SLC25A24: variants seen among roughly 807,000 people sequenced by gnomAD.
The protein encoded by SLC25A24 is mitochondrial adenyl nucleotide antiporter SLC25A24.
In SLC25A24, 49 loss-of-function variants were observed where a neutral mutation model predicts 60.7. The observed-to-expected ratio is 0.81, with a 90% confidence interval of 0.64 to 1.02. The LOEUF is 1.02. SLC25A24 is among the 50% of genes least tolerant of loss of function. The pLI, the probability that SLC25A24 is intolerant of heterozygous loss-of-function variation, is 0.00. For synonymous variants in SLC25A24, 202 were observed against 200.6 expected (o/e 1.01, Z -0.06); for missense variants, 564 against 586.3 (o/e 0.96, Z 0.39).
intron 3 of SLC25A24, among the ~76,000 whole-genome samples, chr1:108,172,054 T>C (rs896329063): frequency 5.9e-5 from 9 of 152,182 alleles, no homozygotes; most frequent in African/African-American, 2.2e-4. Context: ...TTCTGAACAA[T>C]TCTGGAGAAA....
At chr1:108,171,745 A>G (rs550778307) in intron 3 of SLC25A24, among the ~76,000 whole-genome samples, 1 of 152,370 alleles carries the variant, frequency 6.6e-6, no homozygotes, top group East Asian at 1.9e-4. Flanking sequence ...ATATTCATTG[A>G]GCATTTGCCA....
chr1:108,176,760 G>C (rs938952857), intron 3 of SLC25A24, among the ~76,000 whole-genome samples: 1 of 152,052 alleles, frequency 6.6e-6, no homozygotes, highest in Non-Finnish European at 1.5e-5. Flanking sequence ...ACCAACCAAG[G>C]GTAATGTACC....
chr1:108,160,485 G>A (rs1680037980), intron 4 of SLC25A24, among the ~76,000 whole-genome samples: 1 of 149,868 alleles, frequency 6.7e-6, no homozygotes, highest in South Asian at 2.1e-4. Context: ...CAGGCAGAGG[G>A]GCTCCTCATA....
intron 4 of SLC25A24, among the ~76,000 whole-genome samples, chr1:108,159,835 A>C (rs1403930136): frequency 6.6e-6 from 1 of 151,538 alleles, no homozygotes; most frequent in African/African-American, 2.4e-5. Flanking sequence ...CTTAGTACAG[A>C]ACAAAATGAA....
intron 7 of SLC25A24, among the ~76,000 whole-genome samples, chr1:108,144,011 G>A (rs1337692912): frequency 6.6e-6 from 1 of 152,154 alleles, no homozygotes; most frequent in Non-Finnish European, 1.5e-5. Context: ...GGAAGGTGAG[G>A]GAAATGGTAG....
chr1:108,142,775 T>C (rs1193065450), intron 8 of SLC25A24, among the ~76,000 whole-genome samples: 4 of 152,194 alleles, frequency 2.6e-5, no homozygotes, highest in Non-Finnish European at 5.9e-5. Flanking sequence ...TTTTATATTT[T>C]ATAATAATTT....
chr1:108,183,491 G>A (rs898986076), intron 2 of SLC25A24, among the ~76,000 whole-genome samples: 1 of 152,194 alleles, frequency 6.6e-6, no homozygotes, highest in Non-Finnish European at 1.5e-5. Context: ...TTAGGTTCCT[G>A]TGAGCCTCTG....
chr1:108,173,751 T>C (rs114770577), intron 3 of SLC25A24, among the ~76,000 whole-genome samples: 1 of 152,300 alleles, frequency 6.6e-6, no homozygotes, highest in Non-Finnish European at 1.5e-5. Flanking sequence ...CAGAGACTTG[T>C]TGAATTGCTT....
intron 7 of SLC25A24, among the ~76,000 whole-genome samples, chr1:108,146,703 T>C (rs1162661446): frequency 2.0e-5 from 3 of 152,232 alleles, no homozygotes; most frequent in Non-Finnish European, 2.9e-5. Flanking sequence ...GTTCTGTTTA[T>C]TGATGAATTC....
In SLC25A24 at chr1:108,161,286, C is replaced by T; in HGVS notation, c.406G>A (p.Val136Ile). Reference protein sequence around the residue: ...QAELILQSIDVDGTMTVDWNE... With the variant: ...QAELILQSIDIDGTMTVDWNE... ...CAGTCCACTGTCATTGTCCCATCAA[C>T]ATCAATGCTGAAATTTTAAAAAAAT... The change falls in exon 4 of 10, where the codon GTT becomes ATT. Residue 136 changes from valine to isoleucine, a missense_variant. Physicochemically the swap from Val to Ile is conservative, Grantham distance 29 (BLOSUM62 3). Transcript: ENST00000565488. 1 of 1,546,504 alleles carries T rather than the reference C, an allele frequency of 6.5e-7. No individual in the cohort carries two copies. Among genetic ancestry groups the T allele is most frequent in the South Asian group, 1.2e-5 (1 of 86,416 alleles).
chr1:108,164,654 TTTA>T (rs1345022203), intron 3 of SLC25A24, among the ~76,000 whole-genome samples: 1 of 150,308 alleles, frequency 6.7e-6, no homozygotes, highest in African/African-American at 2.4e-5. Flanking sequence ...TTTATCATTT[TTTA>T]TTGTGTCTAT....
intron 1 of SLC25A24, among the ~76,000 whole-genome samples, chr1:108,196,368 T>G (rs1648496814): frequency 6.6e-6 from 1 of 152,214 alleles, no homozygotes; most frequent in African/African-American, 2.4e-5. Context: ...TAACATGAAC[T>G]TTCATATTCT....
At chr1:108,149,728 G>A (rs1392374885) in intron 6 of SLC25A24, among the ~76,000 whole-genome samples, 1 of 152,110 alleles carries the variant, frequency 6.6e-6, no homozygotes, top group Non-Finnish European at 1.5e-5. Context: ...GAGAGAAGTG[G>A]ACTCATGCAT....
intron 1 of SLC25A24, among the ~76,000 whole-genome samples, chr1:108,189,680 G>A (rs2101645075): frequency 6.6e-6 from 1 of 151,962 alleles, no homozygotes; most frequent in African/African-American, 2.4e-5. Context: ...GCCAGGAGTG[G>A]TGGCACACGC....
intron 1 of SLC25A24, among the ~76,000 whole-genome samples, chr1:108,189,835 A>C (rs1435905416): frequency 6.8e-6 from 1 of 147,816 alleles, no homozygotes; most frequent in Non-Finnish European, 1.5e-5. Flanking sequence ...AAAAGAGCTA[A>C]AGCTAATTAA....
chr1:108,195,482 T>C (rs939375622), intron 1 of SLC25A24, among the ~76,000 whole-genome samples: 1 of 152,228 alleles, frequency 6.6e-6, no homozygotes, highest in Admixed American at 6.5e-5. Context: ...ACTTTATTTC[T>C]GCAGAGAAGG....
At chr1:108,173,712 A>T (rs1162038107) in intron 3 of SLC25A24, among the ~76,000 whole-genome samples, 2 of 152,184 alleles carry the variant, frequency 1.3e-5, no homozygotes, top group African/African-American at 4.8e-5. Context: ...CTCAGAAGAC[A>T]AAAAGAGGTG....
intron 3 of SLC25A24, among the ~76,000 whole-genome samples, chr1:108,175,634 G>A (rs563820889): frequency 2.7e-4 from 41 of 152,124 alleles, no homozygotes; most frequent in African/African-American, 9.6e-4. Flanking sequence ...AGGCTGCAAT[G>A]AGCCATGATT....
At chr1:108,171,546 T>A (rs1300785564) in intron 3 of SLC25A24, among the ~76,000 whole-genome samples, 1 of 152,146 alleles carries the variant, frequency 6.6e-6, no homozygotes, top group Non-Finnish European at 1.5e-5. Flanking sequence ...ATATGTCCTT[T>A]CCCCTACCTA....
Sources: allele counts gnomAD v4.1 joint callset (sites outside exome capture counted in the v4.1 genomes callset), GRCh38; gene constraint gnomAD v4.1.1; transcripts MANE v1.5; gene names NCBI Gene and HGNC (gene_info 2026-07-23, HGNC 2026-07-21).